The following MCM3AP variants were observed in gnomAD, a reference collection of about 807,000 sequenced individuals.
MCM3AP encodes the protein germinal-center associated nuclear protein.
A neutral mutation model predicts 184.1 loss-of-function variants in MCM3AP; 126 were observed. The observed-to-expected ratio is 0.68, with a 90% CI of 0.59 to 0.79. MCM3AP has a LOEUF of 0.79. Among genes scored for constraint, MCM3AP ranks in the 30% least tolerant of loss-of-function variants. MCM3AP has a pLI of 0.00. For synonymous variants in MCM3AP, 1,002 were observed against 979.3 expected (o/e 1.02, Z -0.43); for missense variants, 2,496 against 2,479.2 (o/e 1.01, Z -0.14).
At chr21:46,267,187 G>C (rs1340165876) in intron 9 of MCM3AP, 45 bp from the exon 10 acceptor site, 1 of 1,577,764 alleles carries the variant, frequency 6.3e-7, no homozygotes, top group South Asian at 1.1e-5. Context: ...CGAAGGCCCA[G>C]TCAGACACAT....
chr21:46,272,101 A>G (rs937737325), intron 8 of MCM3AP, among the ~76,000 whole-genome samples: 53 of 152,058 alleles, frequency 3.5e-4, no homozygotes, highest in African/African-American at 1.3e-3. Context: ...GGATCAGACC[A>G]GGGTTTTACA....
At chr21:46,243,004 C>CCCA in intron 24 of MCM3AP, 73 bp from the exon 25 acceptor site, 1 of 1,232,164 alleles carries the variant, frequency 8.1e-7, no homozygotes, top group East Asian at 2.4e-5. Flanking sequence ...AAAAAACACA[C>CCCA]ACAAAAAAAC....
rs1448191673 is a variant in MCM3AP, at chr21:46,243,857, T to C, written c.5039-135A>G. 40 of 854,206 alleles carry C rather than the reference T, an allele frequency of 4.7e-5. No individual in the cohort carries two copies. In the Admixed American group the frequency reaches 1.1e-3, roughly 23 times the overall value. The allele number at this position is 854,206 out of a possible 1,614,324, so 52.9% of individuals were successfully genotyped here. The stretch of plus-strand genomic sequence containing the variant: ...TCTAAACACAGCAGAACCACAGTTG[T>C]TGAGGGGGAAGAGCAGCTTGCTCCC... On this transcript the variant is annotated intron_variant, in intron 23 of 27. Transcript: ENST00000291688.
At chr21:46,260,075 T>C (rs1296549785) in intron 15 of MCM3AP, among the ~76,000 whole-genome samples, 1 of 151,398 alleles carries the variant, frequency 6.6e-6, no homozygotes, top group Non-Finnish European at 1.5e-5. Context: ...GACTCCGTCT[T>C]TAAAAAAAAA....
rs755131634 is a variant in MCM3AP, at chr21:46,264,175, G to C, written c.3277C>G (p.Gln1093Glu). 2 of 1,613,832 alleles carry C rather than the reference G, an allele frequency of 1.2e-6. No individual in the cohort carries two copies. Among genetic ancestry groups the C allele is most frequent in the South Asian group, 2.2e-5 (2 of 91,072 alleles). Residue 1093 changes from glutamine to glutamate, a missense_variant, in exon 13 of 28, where the codon CAG becomes GAG. By Grantham distance (29) the Gln-to-Glu change is conservative. Around this residue, in one of 5 missense-constraint regions of MCM3AP, gnomAD observed 1,323 missense variants for 1,273.4 expected, o/e 1.04. Coordinates refer to ENST00000291688, the MANE Select transcript of MCM3AP (RefSeq NM_003906.5). ...GAGCCAACTTCCTCACAGTCCCTCT[G>C]CAGGGCCTCCTGGATGAGCTCGTCC... ...VVDELIQEAL[Q>E]RDCEEVGSAG...
In MCM3AP at chr21:46,254,444, G is replaced by C. The variant is rs1263791342; in HGVS notation, c.4084C>G (p.Leu1362Val). 7.4e-6 allele frequency: 12 copies of C among 1,614,050 alleles called. 1 individual carries two copies. Among genetic ancestry groups the C allele is most frequent in the Non-Finnish European group, 8.5e-6 (10 of 1,180,048 alleles). Reference protein sequence around the residue: ...PGRQEHVFWKLVLVLPDVEEQ... With the variant: ...PGRQEHVFWKVVLVLPDVEEQ... ...TCTACATCCGGCAACACCAGCACCA[G>C]CTTCCAAAACACATGCTCCTGCCTC... The change falls in exon 19 of 28, where the codon CTG becomes GTG. Residue 1362 changes from leucine (L) to valine (V), a missense_variant. Transcript: ENST00000291688.
Position 46,258,979 on chromosome 21 carries a change from T to G in MCM3AP, c.3694A>C (p.Thr1232Pro). ...VEEIFQTAKE[T>P]LQELQCFCKY... Reference sequence around the variant, plus strand: ...CAGAAGCACTGAAGCTCCTGGAGGGTCTCCTTTGCAGTCTGGAAGATTTCC... The same window carrying G: ...CAGAAGCACTGAAGCTCCTGGAGGGGCTCCTTTGCAGTCTGGAAGATTTCC... Residue 1232 changes from threonine to proline, a missense_variant, in exon 16 of 28, where the codon ACC becomes CCC. Coordinates refer to ENST00000291688, the MANE Select transcript of MCM3AP (RefSeq NM_003906.5). 6.2e-7 allele frequency: 1 copy of G among 1,613,904 alleles called. No homozygotes were observed. Among genetic ancestry groups the G allele is most frequent in the Non-Finnish European group, 8.5e-7 (1 of 1,179,994 alleles).
rs1000954523 is a variant in MCM3AP at position 46,275,408 on chromosome 21, G to A, written c.1859-83C>T. The A allele has an allele frequency of 7.4e-6, 9 of 1,215,410 alleles. No individual in the cohort carries two copies. In the African/African-American group the frequency reaches 7.8e-5, roughly 11 times the overall value. 75.3% of individuals were successfully genotyped at this position (1,215,410 alleles called of 1,614,324 possible). A position where few individuals can be genotyped will look rare whatever the true frequency, so the allele number is the denominator to read the frequency against. On this transcript the variant is annotated intron_variant, in intron 5 of 27. Coordinates refer to ENST00000291688, the MANE Select transcript of MCM3AP (RefSeq NM_003906.5). ...AAGTGTATTCTCATAATGATAAAAAGAAATTAAAACTTAAAACACACACAC... is the reference window on the plus strand; with the variant it reads ...AAGTGTATTCTCATAATGATAAAAAAAAATTAAAACTTAAAACACACACAC...
At position 46,285,014 on chromosome 21, in the gene MCM3AP, G is replaced by T. The variant is rs775979228; in HGVS notation, c.273C>A (p.Ser91=). Residue 91 remains serine (S), a synonymous_variant, in exon 1 of 28, where the codon TCC becomes TCA. Coordinates refer to ENST00000291688, the MANE Select transcript of MCM3AP (RefSeq NM_003906.5). ...VGPFSGLEHT[S]TFVATSGPSS... ...AAGGCCCAGAGGTAGCCACAAAGGT[G>T]GAAGTGTGCTCAAGTCCAGAAAAGG... The T allele has an allele frequency of 3.7e-6, 6 of 1,614,108 alleles. No homozygotes were observed. The highest frequency in any genetic ancestry group is 3.3e-5 in the Admixed American group (2 of 60,012).
At chr21:46,280,816 T>TC (rs2081322504) in intron 2 of MCM3AP, among the ~76,000 whole-genome samples, 1 of 151,932 alleles carries the variant, frequency 6.6e-6, no homozygotes, top group Admixed American at 6.6e-5. Context: ...TTCCCCCTTT[T>TC]TTTTTTTGAG....
chr21:46,235,209 T>C lies in MCM3AP; in HGVS notation c.*59A>G. The C allele has an allele frequency of 1.3e-6, 2 of 1,546,974 alleles. No individual in the cohort carries two copies. Among genetic ancestry groups the C allele is most frequent in the Non-Finnish European group, 1.8e-6 (2 of 1,124,504 alleles). On this transcript the variant is annotated 3_prime_UTR_variant, in exon 28 of 28. Coordinates refer to ENST00000291688, the MANE Select transcript of MCM3AP (RefSeq NM_003906.5). Reference sequence around the variant, plus strand: ...TGCATCAAGCATCTGAGAATAACATTATTTTGAGTAAAAACAGAAACTCTT... The same window carrying C: ...TGCATCAAGCATCTGAGAATAACATCATTTTGAGTAAAAACAGAAACTCTT...
Position 46,280,534 on chromosome 21 carries a change from A to G in MCM3AP, c.1485T>C (p.His495=), listed in dbSNP as rs559757340. Reference sequence around the variant, plus strand: ...TGTGCCAAAAGATAGCCATGTCTTTATGCAAACTTTTCCCCTTCTTTCTAG... The same window carrying G: ...TGTGCCAAAAGATAGCCATGTCTTTGTGCAAACTTTTCCCCTTCTTTCTAG... ...ALARKKGKSL[H]KDMAIFWHRK... The change falls in exon 3 of 28, where the codon CAT becomes CAC. Residue 495 remains histidine, a synonymous_variant. Transcript: ENST00000291688. 6.2e-7 allele frequency: 1 copy of G among 1,612,946 alleles called. No homozygotes were observed. Among genetic ancestry groups the G allele is most frequent in the South Asian group, 1.1e-5 (1 of 90,918 alleles).
chr21:46,265,457 AGAGACTGTGG>A lies in MCM3AP; in HGVS notation c.3088_3097del (p.Pro1030TyrfsTer17). The A allele has an allele frequency of 6.2e-7, 1 of 1,613,908 alleles. No homozygotes were observed. The highest frequency in any genetic ancestry group is 8.5e-7 in the Non-Finnish European group (1 of 1,179,884). On this transcript the variant is annotated frameshift_variant, in exon 12 of 28. Coordinates refer to ENST00000291688, the MANE Select transcript of MCM3AP (RefSeq NM_003906.5). LOFTEE classifies it high-confidence loss of function. ...CACTGGTGAGGGCGCAGGGGCTGGT[AGAGACTGTGG>A]GAGACTGGACAGGGGTGCATCCGGC...
rs752407385 is a variant in MCM3AP, at chr21:46,251,701, CAAA to C, written c.4137-22_4137-20del. ...TAGAATTCTACAGATTTAAAAAAAACAAAAAACAAAAAAAACACTTGAAGAATC... is the reference window on the plus strand; with the variant it reads ...TAGAATTCTACAGATTTAAAAAAAACAAACAAAAAAAACACTTGAAGAATC... On this transcript the variant is annotated intron_variant, in intron 19 of 27. Coordinates refer to ENST00000291688, the MANE Select transcript of MCM3AP (RefSeq NM_003906.5). 1 of 1,460,692 alleles carries C rather than the reference CAAA, an allele frequency of 6.8e-7. No homozygotes were observed. Among genetic ancestry groups the C allele is most frequent in the Non-Finnish European group, 9.4e-7 (1 of 1,069,414 alleles). 90.5% of individuals were successfully genotyped at this position (1,460,692 alleles called of 1,614,324 possible). A position where few individuals can be genotyped will look rare whatever the true frequency, so the allele number is the denominator to read the frequency against.
chr21:46,237,030 C>CTAT (rs1261437090), intron 26 of MCM3AP, 51 bp from the exon 27 acceptor site: 7 of 1,174,976 alleles, frequency 6.0e-6, no homozygotes, highest in Non-Finnish European at 8.1e-6. Context: ...AGGAAGTTAA[C>CTAT]TATTGTTCAT....
chr21:46,254,702 A>AG (rs756523368), intron 18 of MCM3AP, 74 bp downstream of exon 18: 55 of 1,472,198 alleles, frequency 3.7e-5, no homozygotes, highest in Non-Finnish European at 5.0e-5. Flanking sequence ...AGATGCATGA[A>AG]GGGGGCTGCC....
At position 46,280,122 on chromosome 21, in the gene MCM3AP, G is replaced by T; in HGVS notation, c.1538C>A (p.Pro513His). The T allele has an allele frequency of 6.2e-7, 1 of 1,614,168 alleles. No homozygotes were observed. The highest frequency in any genetic ancestry group is 8.5e-7 in the Non-Finnish European group (1 of 1,180,010). Residue 513 changes from proline to histidine, a missense_variant, in exon 4 of 28, where the codon CCC (proline) becomes CAC (histidine). Pro to His is a moderately conservative substitution (Grantham distance 77). Coordinates refer to ENST00000291688, the MANE Select transcript of MCM3AP (RefSeq NM_003906.5). ...HRKKISPNKK[P>H]FSLKEKKPGD... ...TGGTTTCTTCTCCTTCAGGGAAAAG[G>T]GTTTCTTATTGGGGCCTGTGGACAT...
At chr21:46,246,077 G>GCACACCA (rs1248758999) in intron 22 of MCM3AP, among the ~76,000 whole-genome samples, 2 of 152,180 alleles carry the variant, frequency 1.3e-5, no homozygotes, top group African/African-American at 4.8e-5. Flanking sequence ...AGGCGCAGTG[G>GCACACCA]CACACCACAG....
chr21:46,255,651 C>A (rs562878201), intron 17 of MCM3AP, among the ~76,000 whole-genome samples: 1 of 152,034 alleles, frequency 6.6e-6, no homozygotes, highest in East Asian at 1.9e-4. Flanking sequence ...GAACTGCCAA[C>A]TGGAAACCAA....
Sources: allele counts gnomAD v4.1 joint callset (sites outside exome capture counted in the v4.1 genomes callset), GRCh38; gene constraint gnomAD v4.1.1; regional missense constraint gnomAD v4.1.1; transcripts MANE v1.5; gene names NCBI Gene and HGNC (gene_info 2026-07-23, HGNC 2026-07-21).